Variants in DAB1 observed in about 807,000 individuals in gnomAD.
DAB1 encodes the protein disabled homolog 1.
A neutral mutation model predicts 64.6 loss-of-function variants in DAB1; 15 were observed. That is an observed-to-expected ratio of 0.23 (90% CI 0.16 to 0.36). The LOEUF is 0.36. DAB1 is among the 10% of genes least tolerant of loss of function. The pLI is 1.00. For missense variants in DAB1, 596 were observed against 706.7 expected, an observed-to-expected ratio of 0.84 and a Z score of 1.78; for synonymous variants, 235 against 251.9, an observed-to-expected ratio of 0.93 and a Z score of 0.64.
intron 6 of DAB1, among the ~76,000 whole-genome samples, chr1:57,732,869 C>A (rs1039531115): frequency 6.6e-6 from 1 of 152,156 alleles, no homozygotes; most frequent in Non-Finnish European, 1.5e-5. Context: ...ACCTTTATGA[C>A]TTGTGAAGAA....
chr1:57,106,186 T>C (rs937904469), intron 4 of DAB1, among the ~76,000 whole-genome samples: 1 of 152,078 alleles, frequency 6.6e-6, no homozygotes, highest in Non-Finnish European at 1.5e-5. Context: ...AGATCTTAAA[T>C]GGCACATAGA....
chr1:57,262,720 T>C (rs1670276760), intron 2 of DAB1, among the ~76,000 whole-genome samples: 1 of 152,184 alleles, frequency 6.6e-6, no homozygotes, highest in Non-Finnish European at 1.5e-5. Context: ...TAAAGTGAAA[T>C]GTGATCAAGA....
At chr1:57,382,034 C>A (rs1290089953) in intron 1 of DAB1, among the ~76,000 whole-genome samples, 1 of 152,112 alleles carries the variant, frequency 6.6e-6, no homozygotes, top group African/African-American at 2.4e-5. Context: ...TAAGCAAATG[C>A]TCTGGGGTTG....
At chr1:57,925,260 T>C (rs1250061603) in intron 5 of DAB1, among the ~76,000 whole-genome samples, 3 of 152,204 alleles carry the variant, frequency 2.0e-5, no homozygotes, top group Non-Finnish European at 2.9e-5. Flanking sequence ...CAGTCATTGT[T>C]CAGACCTCTG....
At chr1:57,431,538 C>T (rs534802950) in intron 7 of DAB1, among the ~76,000 whole-genome samples, 2 of 152,132 alleles carry the variant, frequency 1.3e-5, no homozygotes, top group Non-Finnish European at 2.9e-5. Flanking sequence ...TTGATTCCAG[C>T]GAAAGGTTGT....
chr1:57,335,487 T>C (rs1677009933), intron 1 of DAB1, among the ~76,000 whole-genome samples: 1 of 152,194 alleles, frequency 6.6e-6, no homozygotes, highest in Non-Finnish European at 1.5e-5. Context: ...ACATCCCCTT[T>C]CATTGTCCTT....
chr1:58,090,671 A>C (rs1004102592), intron 5 of DAB1, among the ~76,000 whole-genome samples: 9 of 152,104 alleles, frequency 5.9e-5, no homozygotes, highest in African/African-American at 1.7e-4. Flanking sequence ...CTATACTTCC[A>C]TTAGGCCACC....
rs1324750404 is a variant in DAB1 at position 58,493,579 on chromosome 1, C to A, written n.257+12481G>T. ...GCAACTTCAGCAAAGTCTCAGGATA[C>A]AAAATCAATGTGCAAAAATCACAAG... On this transcript the variant is annotated intron_variant and non_coding_transcript_variant, in intron 3 of 20. Coordinates refer to the DAB1 transcript ENST00000485760. Among the ~76,000 whole-genome samples the A allele has an allele frequency of 5.3e-5, 8 of 151,414 alleles. No individual in the cohort carries two copies. The South Asian group carries it at 1.7e-3, about 32-fold the overall frequency.
chr1:57,067,283 G>T (rs1013101994), intron 8 of DAB1, among the ~76,000 whole-genome samples: 1 of 152,146 alleles, frequency 6.6e-6, no homozygotes, highest in Admixed American at 6.5e-5. Flanking sequence ...AAGGGACTTA[G>T]AATCGAATTG....
chr1:57,686,300 G>A (rs1004372442), intron 6 of DAB1, among the ~76,000 whole-genome samples: 6 of 152,118 alleles, frequency 3.9e-5, no homozygotes, highest in Non-Finnish European at 8.8e-5. Flanking sequence ...AATTCTAGAG[G>A]AAATGGATAA....
At chr1:58,033,950 A>G (rs1382751282) in intron 5 of DAB1, among the ~76,000 whole-genome samples, 1 of 152,148 alleles carries the variant, frequency 6.6e-6, no homozygotes, top group Non-Finnish European at 1.5e-5. Flanking sequence ...AACTTGCTGA[A>G]AGGAGTGGCG....
chr1:57,717,719 T>C (rs1409687289), intron 6 of DAB1, among the ~76,000 whole-genome samples: 2 of 152,050 alleles, frequency 1.3e-5, no homozygotes, highest in African/African-American at 2.4e-5. Flanking sequence ...TATATATAAA[T>C]ATACATATTT....
chr1:57,058,013 G>A (rs1446862007), intron 9 of DAB1, among the ~76,000 whole-genome samples: 1 of 151,998 alleles, frequency 6.6e-6, no homozygotes, highest in Non-Finnish European at 1.5e-5. Flanking sequence ...CTTTCCACAG[G>A]GCCCCAGGAG....
intron 7 of DAB1, among the ~76,000 whole-genome samples, chr1:57,634,497 A>G (rs561106639): frequency 6.6e-6 from 1 of 152,362 alleles, no homozygotes; most frequent in South Asian, 2.1e-4. Context: ...TAAGCACCAA[A>G]CAAATGAAAT....
chr1:58,396,512 C>A (rs1569725874), intron 3 of DAB1, among the ~76,000 whole-genome samples: 2 of 151,374 alleles, frequency 1.3e-5, no homozygotes, highest in Non-Finnish European at 2.9e-5. Context: ...GCGGTGGGGG[C>A]GGGCAGTGCA....
At chr1:57,112,281 C>A (rs564016923) in intron 4 of DAB1, among the ~76,000 whole-genome samples, 2 of 152,192 alleles carry the variant, frequency 1.3e-5, no homozygotes, top group Non-Finnish European at 2.9e-5. Flanking sequence ...AGAGTAAGTG[C>A]TGCAGTTACT....
chr1:58,429,231 T>C (rs1644847354), intron 3 of DAB1, among the ~76,000 whole-genome samples: 1 of 152,022 alleles, frequency 6.6e-6, no homozygotes, highest in African/African-American at 2.4e-5. Flanking sequence ...ACTCTGTCTC[T>C]AAAAAAAATT....
intron 2 of DAB1, among the ~76,000 whole-genome samples, chr1:58,525,682 C>T (rs1646338055): frequency 1.3e-5 from 2 of 152,072 alleles, no homozygotes; most frequent in Non-Finnish European, 2.9e-5. Flanking sequence ...AATCAAAACC[C>T]CATGTGTTTT....
At chr1:57,077,150 G>A (rs1195314147) in intron 4 of DAB1, among the ~76,000 whole-genome samples, 1 of 152,308 alleles carries the variant, frequency 6.6e-6, no homozygotes, top group East Asian at 1.9e-4. Context: ...GGATAGATGG[G>A]AAGTCTCCAG....
Sources: gnomAD v4.1 joint callset for allele counts (sites outside exome capture counted in the v4.1 genomes callset) on GRCh38, gnomAD v4.1.1 for gene constraint, MANE v1.5 for transcripts, NCBI Gene and HGNC (gene_info 2026-07-23, HGNC 2026-07-21) for gene names.